Variants in CSMD1 observed in about 807,000 individuals in gnomAD.
CSMD1 encodes CUB and sushi domain-containing protein 1.
CSMD1 carries 213 observed loss-of-function variants against 417.5 expected under a neutral mutation model. The observed-to-expected ratio is 0.51, with a 90% CI of 0.46 to 0.57. The LOEUF (loss-of-function observed/expected upper bound fraction) is 0.57. CSMD1 is among the 20% of genes least tolerant of loss of function. The pLI, the probability that CSMD1 is intolerant of heterozygous loss-of-function variation, is 0.00. For synonymous variants in CSMD1, 2,862 were observed against 1,736.8 expected (o/e 1.65, Z -16.11); for missense variants, 6,923 against 4,529.7 (o/e 1.53, Z -15.17).
At chr8:3,030,019 A>C (rs1043278176) in intron 50 of CSMD1, among the ~76,000 whole-genome samples, 1 of 152,078 alleles carries the variant, frequency 6.6e-6, no homozygotes, top group Admixed American at 6.6e-5. Flanking sequence ...AACACACAGA[A>C]ATACATAGGC....
At chr8:3,240,483 G>A (rs1332696778) in intron 26 of CSMD1, among the ~76,000 whole-genome samples, 1 of 152,232 alleles carries the variant, frequency 6.6e-6, no homozygotes, top group Non-Finnish European at 1.5e-5. Context: ...CGATTGGCAG[G>A]GAGAGCACGT....
chr8:4,123,876 G>A (rs1802619201), intron 3 of CSMD1, among the ~76,000 whole-genome samples: 2 of 152,166 alleles, frequency 1.3e-5, no homozygotes, highest in South Asian at 2.1e-4. Flanking sequence ...CACATTCCAG[G>A]GTTGTATGTG....
At position 4,257,628 on chromosome 8, in the gene CSMD1, G is replaced by A. The variant is rs931589283; in HGVS notation, c.415+162325C>T. ...AATTTGGTGAAAAGTTTGTCCTACT[G>A]TTTCAGGAAATACATCACATTGGTT... On this transcript the variant is annotated intron_variant, in intron 3 of 69. Transcript: ENST00000635120. 1.2e-4 allele frequency among the ~76,000 whole-genome samples: 18 copies of A among 152,148 alleles called. 1 individual carries two copies. The highest frequency in any genetic ancestry group is 3.9e-4 in the African/African-American group (16 of 41,420).
chr8:3,704,585 G>A (rs1801060298), intron 7 of CSMD1, among the ~76,000 whole-genome samples: 2 of 152,206 alleles, frequency 1.3e-5, no homozygotes, highest in Admixed American at 6.5e-5. Context: ...TGTCAAAGCA[G>A]CAACCCATTT....
At chr8:4,949,376 G>A (rs975704753) in intron 1 of CSMD1, among the ~76,000 whole-genome samples, 3 of 152,100 alleles carry the variant, frequency 2.0e-5, no homozygotes, top group South Asian at 4.1e-4. Flanking sequence ...GTGTAAAATT[G>A]CAGTCATCTA....
At chr8:3,336,409 A>C (rs1585017901) in intron 23 of CSMD1, among the ~76,000 whole-genome samples, 1 of 152,190 alleles carries the variant, frequency 6.6e-6, no homozygotes, top group African/African-American at 2.4e-5. Flanking sequence ...CTGAAGAAAA[A>C]CATACTTAAA....
At chr8:4,971,420 A>G (rs1810230932) in intron 1 of CSMD1, among the ~76,000 whole-genome samples, 1 of 152,200 alleles carries the variant, frequency 6.6e-6, no homozygotes, top group East Asian at 1.9e-4. Flanking sequence ...TAACACTACA[A>G]TAATTCAAGT....
chr8:4,518,178 C>T (rs912381197), intron 2 of CSMD1, among the ~76,000 whole-genome samples: 3 of 152,080 alleles, frequency 2.0e-5, no homozygotes, highest in Admixed American at 6.6e-5. Flanking sequence ...GAGTATGGCA[C>T]GAATGATATT....
intron 3 of CSMD1, among the ~76,000 whole-genome samples, chr8:4,073,391 G>C (rs1439078647): frequency 1.3e-5 from 2 of 152,098 alleles, no homozygotes; most frequent in Non-Finnish European, 1.5e-5. Flanking sequence ...GCTAAAAAAA[G>C]TAAATTTAGA....
rs535172315 is a variant in CSMD1, at chr8:3,356,043, TAGAG to T, written c.3304+3105_3304+3108del. Among the ~76,000 whole-genome samples the T allele has an allele frequency of 5.3e-4, 81 of 152,314 alleles. 1 individual carries two copies. The South Asian group carries it at 8.3e-3, about 16-fold the overall frequency. On this transcript the variant is annotated intron_variant, in intron 21 of 69. Coordinates refer to ENST00000635120, the MANE Select transcript of CSMD1 (RefSeq NM_033225.6). ...TCTCTTTCATTTCAAAGTGACTTGATAGAGAGAGAAATAGTTCTCAGCTCAGATG... is the reference window on the plus strand; with the variant it reads ...TCTCTTTCATTTCAAAGTGACTTGATAGAGAAATAGTTCTCAGCTCAGATG...
intron 2 of CSMD1, among the ~76,000 whole-genome samples, chr8:4,609,024 A>AC (rs543278897): frequency 6.9e-4 from 105 of 151,292 alleles, no homozygotes; most frequent in Admixed American, 8.5e-4. Context: ...AAAAAAAAAA[A>AC]AAAACATGAA....
chr8:3,497,333 T>G (rs1016715734), intron 10 of CSMD1, among the ~76,000 whole-genome samples: 1 of 152,210 alleles, frequency 6.6e-6, no homozygotes. Flanking sequence ...TGGTGTTGGG[T>G]GCATATATGT....
rs148113253 is a variant in CSMD1, at chr8:3,286,017, C to G, written c.3951-1671G>C. ...ACAGGCCCCAGTGTGTGATGTTCCCCTTCCTGTGTCCATGTGTTCTCACTG... is the reference window on the plus strand; with the variant it reads ...ACAGGCCCCAGTGTGTGATGTTCCCGTTCCTGTGTCCATGTGTTCTCACTG... On this transcript the variant is annotated intron_variant, in intron 25 of 69. Coordinates refer to ENST00000635120, the MANE Select transcript of CSMD1 (RefSeq NM_033225.6). 2.5e-3 allele frequency among the ~76,000 whole-genome samples: 380 copies of G among 152,192 alleles called. 10 individuals are homozygous for G. The East Asian group carries it at 0.06, about 24-fold the overall frequency.
At chr8:3,721,609 C>A (rs951362281) in intron 6 of CSMD1, among the ~76,000 whole-genome samples, 1 of 152,144 alleles carries the variant, frequency 6.6e-6, no homozygotes, top group Non-Finnish European at 1.5e-5. Flanking sequence ...CTTTCTCAGT[C>A]CTACCTTAAT....
chr8:3,949,361 C>A (rs1018429661), intron 5 of CSMD1, among the ~76,000 whole-genome samples: 1 of 152,182 alleles, frequency 6.6e-6, no homozygotes, highest in African/African-American at 2.4e-5. Context: ...ACACCTCAAT[C>A]TCACAGTCCC....
At chr8:4,111,527 C>A (rs1801854503) in intron 3 of CSMD1, among the ~76,000 whole-genome samples, 1 of 152,152 alleles carries the variant, frequency 6.6e-6, no homozygotes, top group Non-Finnish European at 1.5e-5. Flanking sequence ...CCCAAACGCC[C>A]ATCACTGATA....
rs1019886500 is a variant in CSMD1 at position 3,468,138 on chromosome 8, A to G, written c.1561+574T>C. ...TAAACTTGCTAATCCATTTAAAAGT[A>G]ATCAATATCCACAGGACAATAATTA... is the stretch of plus-strand genomic sequence containing the variant. On this transcript the variant is annotated intron_variant, in intron 12 of 69. Transcript: ENST00000635120. 7.9e-5 allele frequency among the ~76,000 whole-genome samples: 12 copies of G among 152,240 alleles called. 1 individual carries two copies. Among genetic ancestry groups the G allele is most frequent in the African/African-American group, 2.9e-4 (12 of 41,468 alleles).
chr8:3,016,165 C>A (rs1157822685), intron 52 of CSMD1, among the ~76,000 whole-genome samples: 1 of 152,142 alleles, frequency 6.6e-6, no homozygotes, highest in Non-Finnish European at 1.5e-5. Flanking sequence ...TTTAAATCAT[C>A]AAAAAATATC....
intron 44 of CSMD1, among the ~76,000 whole-genome samples, chr8:3,108,300 T>C (rs76663718): frequency 1.6e-3 from 248 of 152,306 alleles, no homozygotes; most frequent in African/African-American, 5.8e-3. Context: ...TAACACCTTA[T>C]CTTGAGACAG....
Sources: allele counts gnomAD v4.1 joint callset (sites outside exome capture counted in the v4.1 genomes callset), GRCh38; gene constraint gnomAD v4.1.1; transcripts MANE v1.5; gene names NCBI Gene and HGNC (gene_info 2026-07-23, HGNC 2026-07-21).